MIR2052HG: variants seen among roughly 807,000 people sequenced by gnomAD.
MIR2052HG encodes MIR2052 host gene.
chr8:74,656,177 A>C (rs988450288), intron 2 of MIR2052HG, among the ~76,000 whole-genome samples: 2 of 152,134 alleles, frequency 1.3e-5, no homozygotes, highest in African/African-American at 4.8e-5. Context: ...GGCAGAAGCG[A>C]CCTGCCTTGT....
At chr8:74,636,902 G>A (rs1205248724) in intron 2 of MIR2052HG, among the ~76,000 whole-genome samples, 1 of 152,118 alleles carries the variant, frequency 6.6e-6, no homozygotes, top group Non-Finnish European at 1.5e-5. Context: ...GTCTGGGTTG[G>A]GACCTGAAGG....
intron 2 of MIR2052HG, among the ~76,000 whole-genome samples, chr8:74,676,636 C>A (rs1809055908): frequency 6.6e-6 from 1 of 151,566 alleles, no homozygotes; most frequent in Non-Finnish European, 1.5e-5. Context: ...TGTCAGTAGT[C>A]ACAATAAATA....
At chr8:74,612,868 A>T (rs1345015990) in exon 2 of MIR2052HG, 1 of 456,152 alleles carries the variant, frequency 2.2e-6, no homozygotes, top group Non-Finnish European at 4.4e-6. Flanking sequence ...GAGAGATCCC[A>T]TGATCCAGAG....
intron 4 of MIR2052HG, among the ~76,000 whole-genome samples, chr8:74,731,032 G>A (rs901251769): frequency 3.3e-5 from 5 of 152,100 alleles, no homozygotes; most frequent in African/African-American, 9.7e-5. Context: ...AGTCCCCAAA[G>A]TGTCCCCAAA....
intron 4 of MIR2052HG, among the ~76,000 whole-genome samples, chr8:74,750,341 AAG>A (rs756656577): frequency 2.3e-4 from 35 of 152,310 alleles, no homozygotes; most frequent in Admixed American, 1.5e-3. Context: ...GTGCAATTGA[AAG>A]AGGAAAGTGA....
At chr8:74,679,550 A>G (rs1586911949) in intron 2 of MIR2052HG, among the ~76,000 whole-genome samples, 1 of 115,550 alleles carries the variant, frequency 8.7e-6, no homozygotes, top group African/African-American at 2.8e-5. Flanking sequence ...TATTATTATT[A>G]TTATTATTAT....
chr8:74,745,166 G>C (rs1232979550), intron 4 of MIR2052HG, among the ~76,000 whole-genome samples: 1 of 152,154 alleles, frequency 6.6e-6, no homozygotes, highest in East Asian at 1.9e-4. Context: ...TATAGGCTGA[G>C]GTGGGAGGAT....
At chr8:74,711,688 T>C (rs1809469740) in intron 4 of MIR2052HG, among the ~76,000 whole-genome samples, 1 of 152,244 alleles carries the variant, frequency 6.6e-6, no homozygotes, top group African/African-American at 2.4e-5. Flanking sequence ...TTCCAAACCA[T>C]GTTAATTTCC....
rs552824487 is a variant in MIR2052HG at position 74,685,773 on chromosome 8, G to A, written n.217-16606G>A. Reference sequence around the variant, plus strand: ...GTGAATGACCAAGACTGAGTGTACAGGATGTAATCAAAGTCAAACAAACTT... The same window carrying A: ...GTGAATGACCAAGACTGAGTGTACAAGATGTAATCAAAGTCAAACAAACTT... On this transcript the variant is annotated intron_variant and non_coding_transcript_variant, in intron 2 of 6. Coordinates refer to ENST00000523442, the Ensembl canonical transcript of MIR2052HG. 1.1e-3 allele frequency among the ~76,000 whole-genome samples: 161 copies of A among 152,004 alleles called. 4 individuals carry two copies. The highest frequency in any genetic ancestry group is 4.9e-4 in the Non-Finnish European group (33 of 67,962).
At chr8:74,687,136 A>G (rs1253022689) in intron 2 of MIR2052HG, among the ~76,000 whole-genome samples, 4 of 152,182 alleles carry the variant, frequency 2.6e-5, no homozygotes, top group Admixed American at 2.0e-4. Flanking sequence ...TGCAATCAAA[A>G]CTATGAGAAT....
chr8:74,634,541 G>A (rs116887062), intron 2 of MIR2052HG, among the ~76,000 whole-genome samples: 2,815 of 151,904 alleles, frequency 0.019, 39 homozygotes, highest in Non-Finnish European at 0.025. Flanking sequence ...TTTTACTATC[G>A]TTTTCAAGTA....
intron 1 of MIR2052HG, among the ~76,000 whole-genome samples, chr8:74,607,130 A>AG (rs1453829536): frequency 6.6e-6 from 1 of 152,064 alleles, no homozygotes; most frequent in African/African-American, 2.4e-5. Flanking sequence ...TAAAAAAAAA[A>AG]AAAGATTTGC....
At chr8:74,743,789 C>A (rs1414129838) in intron 4 of MIR2052HG, among the ~76,000 whole-genome samples, 2 of 152,076 alleles carry the variant, frequency 1.3e-5, no homozygotes, top group Non-Finnish European at 2.9e-5. Context: ...CAAAACCAAG[C>A]CCCAAACCAT....
chr8:74,703,348 T>C (rs558938595), intron 3 of MIR2052HG, among the ~76,000 whole-genome samples: 2 of 152,192 alleles, frequency 1.3e-5, no homozygotes, highest in South Asian at 4.1e-4. Context: ...TGTGAATCTT[T>C]ATTTTAATCT....
intron 2 of MIR2052HG, among the ~76,000 whole-genome samples, chr8:74,643,426 G>A (rs529307220): frequency 6.6e-6 from 1 of 152,268 alleles, no homozygotes; most frequent in Admixed American, 6.5e-5. Context: ...AAAAAGGATT[G>A]GTAAGGGAAA....
At chr8:74,737,102 TGC>T (rs1809774044) in intron 4 of MIR2052HG, among the ~76,000 whole-genome samples, 1 of 152,188 alleles carries the variant, frequency 6.6e-6, no homozygotes, top group South Asian at 2.1e-4. Flanking sequence ...TCGGACTAAT[TGC>T]GGGTGGAATC....
At chr8:74,635,178 A>C (rs993700915) in intron 2 of MIR2052HG, among the ~76,000 whole-genome samples, 5 of 152,160 alleles carry the variant, frequency 3.3e-5, no homozygotes, top group African/African-American at 1.2e-4. Context: ...AGAATTATGA[A>C]ATATTTATGG....
intron 2 of MIR2052HG, chr8:74,702,195 A>T (rs552442655): frequency 6.0e-6 from 1 of 167,250 alleles, no homozygotes; most frequent in Admixed American, 6.3e-5. Flanking sequence ...CAAATGCAAA[A>T]GATTGAAAAT....
chr8:74,692,238 G>A (rs1295886723), intron 2 of MIR2052HG, among the ~76,000 whole-genome samples: 1 of 152,124 alleles, frequency 6.6e-6, no homozygotes, highest in Non-Finnish European at 1.5e-5. Context: ...TTACAGGAGT[G>A]CATCACTGCA....
Sources: gnomAD v4.1 joint callset for allele counts (sites outside exome capture counted in the v4.1 genomes callset) on GRCh38, gnomAD v4.1.1 for gene constraint, MANE v1.5 for transcripts, NCBI Gene and HGNC (gene_info 2026-07-23, HGNC 2026-07-21) for gene names.